NCOA1: variants seen among roughly 807,000 people sequenced by gnomAD.
NCOA1 encodes the protein Hin-2 protein.
In NCOA1, 35 loss-of-function variants were observed where a neutral mutation model predicts 150.9. That is an observed-to-expected ratio of 0.23 (90% CI 0.18 to 0.31). The LOEUF is 0.31. Among genes scored for constraint, NCOA1 ranks in the 10% least tolerant of loss-of-function variants. The pLI is 1.00. For synonymous variants in NCOA1, 590 were observed against 630.0 expected, an observed-to-expected ratio of 0.94 and a Z score of 0.95; for missense variants, 1,491 against 1,749.3, an observed-to-expected ratio of 0.85 and a Z score of 2.63.
chr2:24,726,950 A>G (rs542219416), intron 15 of NCOA1, among the ~76,000 whole-genome samples: 2 of 151,960 alleles, frequency 1.3e-5, no homozygotes, highest in South Asian at 2.1e-4. Context: ...CAGCCTGGCC[A>G]ACATGGTGAA....
At chr2:24,584,264 T>C (rs1667311298) in intron 2 of NCOA1, among the ~76,000 whole-genome samples, 1 of 152,204 alleles carries the variant, frequency 6.6e-6, no homozygotes. Flanking sequence ...TATTAAAATA[T>C]ATACAATTTT....
intron 11 of NCOA1, among the ~76,000 whole-genome samples, chr2:24,700,508 G>A (rs570045666): frequency 6.6e-6 from 1 of 152,252 alleles, no homozygotes; most frequent in African/African-American, 2.4e-5. Context: ...ATGAACTGCT[G>A]TCAAAAGGAG....
chr2:24,509,453 T>G lies in NCOA1; in HGVS notation c.-396+17851T>G, dbSNP rs548043555. Among the ~76,000 whole-genome samples the G allele has an allele frequency of 6.6e-5, 10 of 152,308 alleles. No individual in the cohort carries two copies. In the East Asian group the frequency reaches 1.7e-3, roughly 26 times the overall value. On this transcript the variant is annotated intron_variant, in intron 1 of 22. Coordinates refer to ENST00000348332, the MANE Select transcript of NCOA1 (RefSeq NM_003743.5). The stretch of plus-strand genomic sequence containing the variant: ...TTGAAAAATAAGATAGATATTAAAG[T>G]GAGAAGTACGCTGGGATGACCATTC...
intron 4 of NCOA1, among the ~76,000 whole-genome samples, chr2:24,653,988 T>C (rs1178408311): frequency 6.6e-6 from 1 of 152,226 alleles, no homozygotes; most frequent in African/African-American, 2.4e-5. Flanking sequence ...TATTTCATTT[T>C]TGTATTACTA....
At chr2:24,635,527 CA>C (rs1193036612) in intron 3 of NCOA1, among the ~76,000 whole-genome samples, 1 of 152,136 alleles carries the variant, frequency 6.6e-6, no homozygotes, top group Non-Finnish European at 1.5e-5. Context: ...TTATAAAAGA[CA>C]GTGGCATTAT....
At chr2:24,512,629 G>T (rs1663981947) in intron 1 of NCOA1, among the ~76,000 whole-genome samples, 1 of 152,150 alleles carries the variant, frequency 6.6e-6, no homozygotes, top group Admixed American at 6.5e-5. Flanking sequence ...GTGGTACAGA[G>T]TGTAATTGAC....
chr2:24,706,831 C>T lies in NCOA1; in HGVS notation c.1361C>T (p.Ala454Val). Residue 454 changes from alanine to valine, a missense_variant, in exon 13 of 23, where the codon GCC (alanine) becomes GTC (valine). By Grantham distance (64) the Ala-to-Val change is moderately conservative (BLOSUM62 0). This residue lies in a region of NCOA1 where 703 missense variants were observed against 717.7 expected (regional missense o/e 0.98). Coordinates refer to ENST00000348332, the MANE Select transcript of NCOA1 (RefSeq NM_003743.5). ...SPGSQIVANV[A>V]LNQGQASSQS... ...GGAAGTCAGATTGTAGCCAATGTTG[C>T]CTTAAACCAAGGACAGGCCAGTTCA... 1.2e-6 allele frequency: 2 copies of T among 1,614,144 alleles called. No homozygotes were observed. The highest frequency in any genetic ancestry group is 1.7e-6 in the Non-Finnish European group (2 of 1,180,018).
At chr2:24,652,335 A>G (rs1670744116) in intron 4 of NCOA1, among the ~76,000 whole-genome samples, 1 of 152,082 alleles carries the variant, frequency 6.6e-6, no homozygotes, top group South Asian at 2.1e-4. Context: ...CCAGTTTGAG[A>G]AACATTTTTT....
At chr2:24,685,331 G>A (rs1276689983) in intron 8 of NCOA1, among the ~76,000 whole-genome samples, 3 of 152,068 alleles carry the variant, frequency 2.0e-5, no homozygotes, top group Non-Finnish European at 4.4e-5. Flanking sequence ...TGGGAAGCTG[G>A]TATGGTGAGA....
intron 3 of NCOA1, among the ~76,000 whole-genome samples, chr2:24,638,785 G>T (rs975824219): frequency 6.6e-6 from 1 of 151,982 alleles, no homozygotes; most frequent in Non-Finnish European, 1.5e-5. Flanking sequence ...ATGACTTTTG[G>T]TCATTTGTAT....
At chr2:24,521,382 C>T (rs1664411971) in intron 1 of NCOA1, among the ~76,000 whole-genome samples, 1 of 152,156 alleles carries the variant, frequency 6.6e-6, no homozygotes, top group African/African-American at 2.4e-5. Context: ...AACATCTCCC[C>T]ATTCCCACCC....
At chr2:24,717,538 G>A (rs1257665428) in intron 14 of NCOA1, among the ~76,000 whole-genome samples, 1 of 151,910 alleles carries the variant, frequency 6.6e-6, no homozygotes, top group Non-Finnish European at 1.5e-5. Context: ...GATTTTATGT[G>A]ATAAGTATCA....
chr2:24,678,277 CCAGTCTAT>C (rs532987758), intron 7 of NCOA1, among the ~76,000 whole-genome samples: 12 of 152,158 alleles, frequency 7.9e-5, no homozygotes, highest in Non-Finnish European at 1.5e-4. Context: ...TTTTCTTTAT[CCAGTCTAT>C]CATTGATGGG....
At chr2:24,578,148 A>G (rs1667063710) in intron 2 of NCOA1, among the ~76,000 whole-genome samples, 1 of 152,162 alleles carries the variant, frequency 6.6e-6, no homozygotes, top group Non-Finnish European at 1.5e-5. Context: ...TAAGAAAAAC[A>G]AGTATCTTTA....
At chr2:24,592,708 G>A (rs1667709763) in intron 3 of NCOA1, among the ~76,000 whole-genome samples, 1 of 149,656 alleles carries the variant, frequency 6.7e-6, no homozygotes, top group African/African-American at 2.5e-5. Flanking sequence ...CTAGATAAAA[G>A]CATAATAAAA....
chr2:24,724,956 G>A (rs1358691356), intron 14 of NCOA1, among the ~76,000 whole-genome samples: 1 of 151,782 alleles, frequency 6.6e-6, no homozygotes, highest in Non-Finnish European at 1.5e-5. Context: ...TACAGAATTT[G>A]ATTTCTATAT....
At chr2:24,540,749 G>A (rs771275531) in intron 1 of NCOA1, among the ~76,000 whole-genome samples, 4 of 152,116 alleles carry the variant, frequency 2.6e-5, no homozygotes, top group Non-Finnish European at 5.9e-5. Flanking sequence ...GTGAGCCACC[G>A]CACCTGGCCA....
chr2:24,701,668 A>G (rs1673168630), intron 11 of NCOA1, among the ~76,000 whole-genome samples: 1 of 152,214 alleles, frequency 6.6e-6, no homozygotes. Context: ...TTCTTTGTTC[A>G]TCTCTCTATT....
At chr2:24,709,760 A>G (rs974460201) in intron 13 of NCOA1, among the ~76,000 whole-genome samples, 2 of 152,250 alleles carry the variant, frequency 1.3e-5, no homozygotes, top group African/African-American at 2.4e-5. Context: ...CGTATCAGCC[A>G]AAAACTGGAA....
Sources: gnomAD v4.1 joint callset for allele counts (sites outside exome capture counted in the v4.1 genomes callset) on GRCh38, gnomAD v4.1.1 for gene constraint, gnomAD v4.1.1 regional missense constraint, MANE v1.5 for transcripts, NCBI Gene and HGNC (gene_info 2026-07-23, HGNC 2026-07-21) for gene names.